Variants in CPXM2 observed in about 807,000 individuals in gnomAD.
The protein encoded by CPXM2 is inactive carboxypeptidase-like protein X2.
A neutral mutation model predicts 86.1 loss-of-function variants in CPXM2; 66 were observed. The ratio of observed to expected loss-of-function variants is 0.77; its 90% CI spans 0.63 to 0.94. CPXM2 has a LOEUF of 0.94. Ranked by LOEUF, CPXM2 falls within the 40% of genes least tolerant of loss-of-function variation. The pLI, the probability that CPXM2 is intolerant of heterozygous loss-of-function variation, is 0.00. For synonymous variants in CPXM2, 388 were observed against 400.2 expected, an observed-to-expected ratio of 0.97 and a Z score of 0.36; for missense variants, 948 against 1,026.3, an observed-to-expected ratio of 0.92 and a Z score of 1.04.
intron 2 of CPXM2, among the ~76,000 whole-genome samples, chr10:123,904,912 A>ATCTGCATCCTGTGGCCTCCCCTC (rs1184917723): frequency 7.6e-6 from 1 of 131,740 alleles, no homozygotes; most frequent in Non-Finnish European, 1.6e-5. Context: ...GCTCTGCATC[A>ATCTGCATCCTGTGGCCTCCCCTC]CACCTGCATC....
In CPXM2 at chr10:123,746,777, C is replaced by A; in HGVS notation, c.2258G>T (p.Arg753Leu). ...GGCCCAGGAGGGTCACCCACGCTGT[C>A]GTCTCTTCTGCCCCCGCAGCTTCAG... is the stretch of plus-strand genomic sequence containing the variant. ...RRLKLRGQKRRQRG is the reference protein window; with the variant it reads ...RRLKLRGQKRLQRG Residue 753 changes from arginine (R) to leucine (L), a missense_variant, in exon 14 of 14, where the codon CGA becomes CTA. Physicochemically the swap from Arg to Leu is moderately radical, Grantham distance 102. Transcript: ENST00000241305. 1 of 1,614,134 alleles carries A rather than the reference C, an allele frequency of 6.2e-7. No individual in the cohort carries two copies. Among genetic ancestry groups the A allele is most frequent in the Non-Finnish European group, 8.5e-7 (1 of 1,180,006 alleles).
intron 2 of CPXM2, among the ~76,000 whole-genome samples, chr10:123,930,694 G>A (rs1945660523): frequency 6.6e-6 from 1 of 152,196 alleles, no homozygotes; most frequent in Non-Finnish European, 1.5e-5. Context: ...GCTGCCATGT[G>A]CTTTTAATTT....
chr10:123,789,184 G>A (rs1847144591), intron 6 of CPXM2, among the ~76,000 whole-genome samples: 1 of 152,142 alleles, frequency 6.6e-6, no homozygotes, highest in Non-Finnish European at 1.5e-5. Context: ...ATAGAGCAAG[G>A]CCACGAGAGA....
intron 2 of CPXM2, among the ~76,000 whole-genome samples, chr10:123,906,658 AT>A (rs1945444163): frequency 6.6e-6 from 1 of 152,208 alleles, no homozygotes; most frequent in Admixed American, 6.5e-5. Context: ...TAAATACTTC[AT>A]TTCGCCTCAT....
intron 2 of CPXM2, among the ~76,000 whole-genome samples, chr10:123,897,587 G>T (rs1192770249): frequency 6.6e-6 from 1 of 152,156 alleles, no homozygotes; most frequent in African/African-American, 2.4e-5. Flanking sequence ...GCACACTGGG[G>T]TGGTCATGGG....
chr10:123,881,433 T>G (rs534338059), intron 1 of CPXM2, among the ~76,000 whole-genome samples: 107 of 151,660 alleles, frequency 7.1e-4, no homozygotes, highest in African/African-American at 2.3e-3. Flanking sequence ...GGGCTTTGGA[T>G]GCACAAGGTG....
chr10:123,793,821 C>T (rs1847263339), intron 6 of CPXM2, among the ~76,000 whole-genome samples: 1 of 152,150 alleles, frequency 6.6e-6, no homozygotes, highest in Non-Finnish European at 1.5e-5. Context: ...GACTACAGGC[C>T]CGACTTTGCA....
At chr10:123,829,709 G>A (rs1235125415) in intron 4 of CPXM2, among the ~76,000 whole-genome samples, 1 of 152,098 alleles carries the variant, frequency 6.6e-6, no homozygotes, top group African/African-American at 2.4e-5. Flanking sequence ...AGAATAGCCA[G>A]AAAAAGTCTG....
intron 4 of CPXM2, among the ~76,000 whole-genome samples, chr10:123,824,726 G>A (rs770744997): frequency 3.9e-5 from 6 of 152,226 alleles, no homozygotes; most frequent in East Asian, 1.9e-4. Flanking sequence ...GTGGTTCTCT[G>A]TAGCAATAAG....
intron 6 of CPXM2, among the ~76,000 whole-genome samples, chr10:123,787,910 G>A (rs1293172161): frequency 6.6e-6 from 1 of 152,108 alleles, no homozygotes; most frequent in Non-Finnish European, 1.5e-5. Context: ...ATTTTTCTAA[G>A]AGATGGTTTA....
intron 1 of CPXM2, among the ~76,000 whole-genome samples, chr10:123,882,820 A>G (rs1023620430): frequency 2.5e-4 from 27 of 107,524 alleles, no homozygotes. Flanking sequence ...AAAAACCCCC[A>G]ACTCCACAGC....
rs1220896831 is a variant in CPXM2, at chr10:123,885,466, GAGC to G, written c.305-5160_305-5158del. Among the ~76,000 whole-genome samples, 1 of 152,156 alleles carries G rather than the reference GAGC, an allele frequency of 6.6e-6. No homozygotes were observed. The highest frequency in any genetic ancestry group is 1.5e-5 in the Non-Finnish European group (1 of 68,036). On this transcript the variant is annotated intron_variant, in intron 1 of 13. Coordinates refer to ENST00000241305, the MANE Select transcript of CPXM2 (RefSeq NM_198148.3). The surrounding 1 kb of genome is among the most constrained non-coding windows in gnomAD (Gnocchi z 4.0). ...CTTCATCCTGGAAAAACTCACCATG[GAGC>G]ACCTACCTGTGCCTAGCATGAACCA... is the stretch of plus-strand genomic sequence containing the variant.
intron 4 of CPXM2, among the ~76,000 whole-genome samples, chr10:123,806,680 C>T (rs555060728): frequency 2.0e-5 from 3 of 152,162 alleles, no homozygotes; most frequent in African/African-American, 7.2e-5. Flanking sequence ...GGGGAGGCAT[C>T]AAGAAACTTA....
chr10:123,922,378 A>G (rs1184752967), intron 2 of CPXM2, among the ~76,000 whole-genome samples: 1 of 152,158 alleles, frequency 6.6e-6, no homozygotes, highest in East Asian at 1.9e-4. Context: ...ATAAAGTTCA[A>G]TTTTTTTAAT....
At chr10:123,816,290 A>G (rs561850160) in intron 4 of CPXM2, among the ~76,000 whole-genome samples, 1 of 152,332 alleles carries the variant, frequency 6.6e-6, no homozygotes, top group African/African-American at 2.4e-5. Context: ...TGGCATAGAC[A>G]TACTTAGAAG....
chr10:123,842,194 CAA>C (rs1011535258), intron 4 of CPXM2, among the ~76,000 whole-genome samples, 153 bp downstream of exon 4: 1 of 152,258 alleles, frequency 6.6e-6, no homozygotes, highest in Non-Finnish European at 1.5e-5. Flanking sequence ...AATGTGTCGA[CAA>C]CGAGCCCAGC....
chr10:123,759,343 T>A (rs1273693679), intron 11 of CPXM2, among the ~76,000 whole-genome samples: 6 of 152,188 alleles, frequency 3.9e-5, no homozygotes. Flanking sequence ...TCGTCCTCAT[T>A]AGCACTGAAA....
chr10:123,781,396 G>A (rs1287877230), intron 6 of CPXM2, among the ~76,000 whole-genome samples: 3 of 152,208 alleles, frequency 2.0e-5, no homozygotes, highest in Non-Finnish European at 2.9e-5. Context: ...AGAACAAGAA[G>A]GAGGGCAACT....
chr10:123,762,267 G>A (rs1175480172), intron 10 of CPXM2, 98 bp from the exon 11 acceptor site: 1 of 1,520,356 alleles, frequency 6.6e-7, no homozygotes, highest in Non-Finnish European at 9.0e-7. Flanking sequence ...GTGCTTTTGT[G>A]GAATAATCTT....
Sources: allele counts gnomAD v4.1 joint callset (sites outside exome capture counted in the v4.1 genomes callset), GRCh38; gene constraint gnomAD v4.1.1; non-coding constraint Gnocchi (gnomAD v3.1); transcripts MANE v1.5; gene names NCBI Gene and HGNC (gene_info 2026-07-23, HGNC 2026-07-21).